RRM2: variants seen among roughly 807,000 people sequenced by gnomAD.
RRM2 encodes ribonucleotide reductase regulatory subunit M2.
A neutral mutation model predicts 45.9 loss-of-function variants in RRM2; 6 were observed. That is an observed-to-expected ratio of 0.13 (90% CI 0.07 to 0.26). RRM2 has a LOEUF of 0.26. RRM2 is among the 10% of genes least tolerant of loss of function. The pLI is 1.00. For synonymous variants in RRM2, 177 were observed against 173.0 expected, an observed-to-expected ratio of 1.02 and a Z score of -0.18; for missense variants, 343 against 489.5, an observed-to-expected ratio of 0.70 and a Z score of 2.82.
chr2:10,193,770 G>A (rs908429148), intron 3 of RRM2, among the ~76,000 whole-genome samples: 2 of 152,188 alleles, frequency 1.3e-5, no homozygotes, highest in African/African-American at 4.8e-5. Flanking sequence ...CAGCAGAGCC[G>A]CAGCAGCCAC....
intron 3 of RRM2, among the ~76,000 whole-genome samples, chr2:10,147,655 G>A (rs987589940): frequency 6.6e-6 from 1 of 152,150 alleles, no homozygotes; most frequent in African/African-American, 2.4e-5. Context: ...CTTTGCATTC[G>A]CCTTGAATTC....
rs113365566 is a variant in RRM2 at position 10,173,490 on chromosome 2, G to A, written n.482+31115G>A. Among the ~76,000 whole-genome samples the A allele has an allele frequency of 4.5e-3, 689 of 152,228 alleles. 3 individuals carry two copies. Among genetic ancestry groups the A allele is most frequent in the Admixed American group, 7.8e-3 (119 of 15,288 alleles). On this transcript the variant is annotated intron_variant and non_coding_transcript_variant, in intron 3 of 3. Coordinates refer to the RRM2 transcript ENST00000381786. ...AGTTCCAGCACCCCCGCAAACCTCC[G>A]TCTGTCCCCCTACCTCCCTCAGCAG...
intron 3 of RRM2, among the ~76,000 whole-genome samples, chr2:10,165,922 C>T (rs1230201230): frequency 6.6e-6 from 1 of 152,172 alleles, no homozygotes; most frequent in African/African-American, 2.4e-5. Context: ...TGGGGATGGG[C>T]AGGGAAGGAA....
chr2:10,134,230 CCT>C (rs1214468978), downstream of RRM2, among the ~76,000 whole-genome samples: 2 of 150,908 alleles, frequency 1.3e-5, no homozygotes, highest in African/African-American at 4.9e-5. Context: ...AGGAGAATGA[CCT>C]CTTTTGGGAA....
At chr2:10,149,758 C>T (rs1663269864) in intron 3 of RRM2, among the ~76,000 whole-genome samples, 1 of 152,136 alleles carries the variant, frequency 6.6e-6, no homozygotes, top group Non-Finnish European at 1.5e-5. Flanking sequence ...CCTCTTTTTG[C>T]CTGCAAGTGT....
chr2:10,196,705 C>T (rs1333064668), intron 3 of RRM2, among the ~76,000 whole-genome samples: 3 of 152,238 alleles, frequency 2.0e-5, no homozygotes, highest in Non-Finnish European at 4.4e-5. Context: ...CAGGCAGTGA[C>T]CGCACAGGGC....
intron 3 of RRM2, among the ~76,000 whole-genome samples, chr2:10,162,330 G>A (rs1278308410): frequency 6.6e-6 from 1 of 152,212 alleles, no homozygotes; most frequent in Non-Finnish European, 1.5e-5. Context: ...TTGGGATGCG[G>A]CGTCTCGATG....
At chr2:10,123,191 G>A (rs1662703222) in intron 2 of RRM2, 134 bp downstream of exon 2, 8 of 1,285,370 alleles carry the variant, frequency 6.2e-6, no homozygotes, top group Admixed American at 2.8e-5. Flanking sequence ...CCCCAGGGCT[G>A]CCTCCCGCGC....
chr2:10,139,835 C>T (rs1250635537), upstream of RRM2, among the ~76,000 whole-genome samples: 1 of 152,246 alleles, frequency 6.6e-6, no homozygotes, highest in African/African-American at 2.4e-5. Context: ...CTAGGACTTT[C>T]CTTCCTCCAC....
At chr2:10,165,532 T>C (rs911021151) in intron 3 of RRM2, among the ~76,000 whole-genome samples, 2 of 152,234 alleles carry the variant, frequency 1.3e-5, no homozygotes, top group Non-Finnish European at 2.9e-5. Context: ...CAACTGTTTC[T>C]AAGGCTTCCG....
intron 3 of RRM2, among the ~76,000 whole-genome samples, chr2:10,189,365 A>C (rs903143963): frequency 6.6e-6 from 1 of 152,250 alleles, no homozygotes; most frequent in Non-Finnish European, 1.5e-5. Context: ...GGAATGGCTC[A>C]TCAGCCACGA....
intron 3 of RRM2, among the ~76,000 whole-genome samples, chr2:10,165,493 G>T (rs1278354141): frequency 6.6e-6 from 1 of 152,248 alleles, no homozygotes; most frequent in African/African-American, 2.4e-5. Flanking sequence ...GGACCACGGC[G>T]CAGGGGCCAC....
At chr2:10,177,663 T>TTTCTTTCC in intron 3 of RRM2, among the ~76,000 whole-genome samples, 1 of 141,248 alleles carries the variant, frequency 7.1e-6, no homozygotes, top group Non-Finnish European at 1.5e-5. Context: ...CTTCTTTCCT[T>TTTCTTTCC]TTCCTTCCTT....
intron 3 of RRM2, among the ~76,000 whole-genome samples, chr2:10,161,813 G>C (rs1026125973): frequency 3.3e-5 from 5 of 152,238 alleles, no homozygotes; most frequent in African/African-American, 1.2e-4. Context: ...CTGATTCAGA[G>C]AGGCTAAGGG....
At chr2:10,200,630 A>C in intron 3 of RRM2, among the ~76,000 whole-genome samples, 1 of 98,162 alleles carries the variant, frequency 1.0e-5, no homozygotes, top group African/African-American at 3.6e-5. Context: ...CGCGCAAAAT[A>C]TGAGGCCCAC....
chr2:10,126,836 T>C, intron 5 of RRM2, 39 bp from the exon 6 acceptor site: 1 of 1,518,686 alleles, frequency 6.6e-7, no homozygotes, highest in Non-Finnish European at 9.1e-7. Context: ...GGTCTTTTAC[T>C]GTAATGCTTC....
intron 3 of RRM2, among the ~76,000 whole-genome samples, chr2:10,191,376 G>A (rs939945472): frequency 3.3e-5 from 5 of 152,198 alleles, no homozygotes; most frequent in African/African-American, 1.2e-4. Flanking sequence ...ATAAGATCAC[G>A]TCTGTGAGAG....
chr2:10,206,090 C>CA (rs563567106), intron 3 of RRM2, among the ~76,000 whole-genome samples: 123 of 151,818 alleles, frequency 8.1e-4, no homozygotes, highest in Non-Finnish European at 1.5e-3. Flanking sequence ...ACTAAAAATA[C>CA]AAAAAATTAG....
At chr2:10,209,224 A>G (rs1178568993) in intron 3 of RRM2, among the ~76,000 whole-genome samples, 1 of 151,648 alleles carries the variant, frequency 6.6e-6, no homozygotes, top group African/African-American at 2.4e-5. Context: ...CGCATGGCTA[A>G]TTTTTGTATT....
Sources: allele counts gnomAD v4.1 joint callset (sites outside exome capture counted in the v4.1 genomes callset), GRCh38; gene constraint gnomAD v4.1.1; transcripts MANE v1.5; gene names NCBI Gene and HGNC (gene_info 2026-07-23, HGNC 2026-07-21).